The following ZNF518B variants were observed in gnomAD, a reference collection of about 807,000 sequenced individuals.
ZNF518B encodes zinc finger protein 518B.
Under a neutral mutation model 56.3 loss-of-function variants are expected in ZNF518B, and 23 were observed. The ratio of observed to expected loss-of-function variants is 0.41; its 90% CI spans 0.29 to 0.58. The LOEUF (loss-of-function observed/expected upper bound fraction) is 0.58. Among genes scored for constraint, ZNF518B ranks in the 20% least tolerant of loss-of-function variants. The pLI, the probability that ZNF518B is intolerant of heterozygous loss-of-function variation, is 0.32. For synonymous variants in ZNF518B, 529 were observed against 465.9 expected, an observed-to-expected ratio of 1.14 and a Z score of -1.74; for missense variants, 1,460 against 1,272.1, an observed-to-expected ratio of 1.15 and a Z score of -2.25.
chr4:10,450,832 G>A (rs1382184001), intron 2 of ZNF518B: 7 of 152,190 alleles, frequency 4.6e-5, no homozygotes, highest in Non-Finnish European at 1.0e-4. Context: ...TGGCGTCTTA[G>A]GACTTTCAGA....
In ZNF518B at chr4:10,444,550, A is replaced by C. The variant is rs757050114; in HGVS notation, c.1779T>G (p.His593Gln). 1 of 1,614,086 alleles carries C rather than the reference A, an allele frequency of 6.2e-7. No individual in the cohort carries two copies. The highest frequency in any genetic ancestry group is 1.3e-5 in the African/African-American group (1 of 75,048). ...VSTVGQISSQ[H>Q]KSEYLHINIT... ...TGTTTATATGTAAATACTCACTCTTATGTTGAGAGGAAATCTGGCCTACAG... is the reference window on the plus strand; with the variant it reads ...TGTTTATATGTAAATACTCACTCTTCTGTTGAGAGGAAATCTGGCCTACAG... Residue 593 changes from histidine (H) to glutamine (Q), a missense_variant, in exon 3 of 3, where the codon CAT (histidine) becomes CAG (glutamine). Physicochemically the swap from His to Gln is conservative, Grantham distance 24. Coordinates refer to ENST00000326756, the MANE Select transcript of ZNF518B (RefSeq NM_053042.3).
In ZNF518B at chr4:10,441,760, T is replaced by G. The variant is rs4422413; in HGVS notation, c.*1344A>C. 0.28 allele frequency: 42,799 copies of G among 152,126 alleles called. 7,192 individuals carry two copies. Among genetic ancestry groups the G allele is most frequent in the Non-Finnish European group, 0.39 (26,356 of 67,986 alleles). 9.4% of individuals were successfully genotyped at this position (152,126 alleles called of 1,614,324 possible). On this transcript the variant is annotated 3_prime_UTR_variant, in exon 3 of 3. Transcript: ENST00000326756. ...GGCCTTTTTCTAAAGAACACAAATGTGTAGATAAATGACAGTCCTGACATC... is the reference window on the plus strand; with the variant it reads ...GGCCTTTTTCTAAAGAACACAAATGGGTAGATAAATGACAGTCCTGACATC...
At position 10,442,922 on chromosome 4, in the gene ZNF518B, A is replaced by G. The variant is rs1184200830; in HGVS notation, c.*182T>C. 1.7e-6 allele frequency: 1 copy of G among 574,154 alleles called. No individual in the cohort carries two copies. The highest frequency in any genetic ancestry group is 3.0e-6 in the Non-Finnish European group (1 of 333,980). 35.6% of individuals were successfully genotyped at this position (574,154 alleles called of 1,614,324 possible). ...ATGTACAATTTCAGAGCCTTCAAATACATTCTGGGGTCCAATCACATACTT... is the reference window on the plus strand; with the variant it reads ...ATGTACAATTTCAGAGCCTTCAAATGCATTCTGGGGTCCAATCACATACTT... On this transcript the variant is annotated 3_prime_UTR_variant, in exon 3 of 3. Coordinates refer to ENST00000326756, the MANE Select transcript of ZNF518B (RefSeq NM_053042.3).
At position 10,444,120 on chromosome 4, in the gene ZNF518B, T is replaced by C; in HGVS notation, c.2209A>G (p.Arg737Gly). The C allele has an allele frequency of 6.2e-7, 1 of 1,614,242 alleles. No homozygotes were observed. The highest frequency in any genetic ancestry group is 1.3e-5 in the African/African-American group (1 of 75,056). Reference protein sequence around the residue: ...PPNDGGITGNRQLTHQQIYPH... With the variant: ...PPNDGGITGNGQLTHQQIYPH... ...TATATTTGTTGATGAGTAAGCTGTC[T>C]ATTACCAGTAATACCACCATCATTC... is the stretch of plus-strand genomic sequence containing the variant. The change falls in exon 3 of 3, where the codon AGA (arginine) becomes GGA (glycine). Residue 737 changes from arginine (R) to glycine (G), a missense_variant. Physicochemically the swap from Arg to Gly is moderately radical, Grantham distance 125 (BLOSUM62 -2). Coordinates refer to ENST00000326756, the MANE Select transcript of ZNF518B (RefSeq NM_053042.3).
At position 10,445,966 on chromosome 4, in the gene ZNF518B, G is replaced by T; in HGVS notation, c.363C>A (p.Val121=). 6.2e-7 allele frequency: 1 copy of T among 1,614,150 alleles called. No individual in the cohort carries two copies. Among genetic ancestry groups the T allele is most frequent in the South Asian group, 1.1e-5 (1 of 91,074 alleles). The change falls in exon 3 of 3, where the codon GTC becomes GTA. Residue 121 remains valine, a synonymous_variant. Transcript: ENST00000326756. The part of the protein sequence containing the change: ...GNKTENFSSS[V]NSKFKVRNFK... ...AGTTCCTTACCTTAAATTTGCTATTGACAGAACTTGAGAAGTTTTCAGTTT... is the reference window on the plus strand; with the variant it reads ...AGTTCCTTACCTTAAATTTGCTATTTACAGAACTTGAGAAGTTTTCAGTTT...
Position 10,444,264 on chromosome 4 carries a change from G to T in ZNF518B, c.2065C>A (p.Arg689Ser). Residue 689 changes from arginine (R) to serine (S), a missense_variant, in exon 3 of 3, where the codon CGT (arginine) becomes AGT (serine). Transcript: ENST00000326756. ...PSSLASNSAH[R>S]RSVGQASKGT... ...TTTGATGCCTGCCCTACAGAGCGAC[G>T]ATGTGCACTATTTGAAGCCAAAGAT... The T allele has an allele frequency of 1.2e-6, 2 of 1,614,134 alleles. No homozygotes were observed. The highest frequency in any genetic ancestry group is 1.7e-6 in the Non-Finnish European group (2 of 1,180,018).
At chr4:10,447,497 T>C (rs757070189) in intron 2 of ZNF518B, among the ~76,000 whole-genome samples, 7 of 152,024 alleles carry the variant, frequency 4.6e-5, no homozygotes, top group Non-Finnish European at 1.0e-4. Flanking sequence ...GAACGGGACA[T>C]GTTCTAGGAA....
intron 1 of ZNF518B, 83 bp from the exon 2 acceptor site, chr4:10,455,071 G>A (rs1369186991): frequency 2.0e-5 from 3 of 152,258 alleles, no homozygotes; most frequent in Non-Finnish European, 4.4e-5. Flanking sequence ...TAAGGGGAAT[G>A]AGCCCCAGAA....
rs750808133 is a variant in ZNF518B at position 10,444,933 on chromosome 4, T to G, written c.1396A>C (p.Lys466Gln). ...NSETIEDFQKKNNLYPHRTAF... is the reference protein window; with the variant it reads ...NSETIEDFQKQNNLYPHRTAF... ...GTTCTATGTGGATACAAATTATTTT[T>G]TTTCTGAAAATCCTCAATTGTTTCC... The change falls in exon 3 of 3, where the codon AAA becomes CAA. Residue 466 changes from lysine (K) to glutamine (Q), a missense_variant. Transcript: ENST00000326756. 2.5e-6 allele frequency: 4 copies of G among 1,611,128 alleles called. No individual in the cohort carries two copies. The South Asian group carries it at 4.4e-5, about 18-fold the overall frequency.
rs1446578943 is a variant in ZNF518B at position 10,443,063 on chromosome 4, ATAAAC to A, written c.*36_*40del. 1.0e-5 allele frequency: 16 copies of A among 1,556,698 alleles called. No homozygotes were observed. The highest frequency in any genetic ancestry group is 1.4e-5 in the Non-Finnish European group (16 of 1,150,464). On this transcript the variant is annotated 3_prime_UTR_variant, in exon 3 of 3. Coordinates refer to ENST00000326756, the MANE Select transcript of ZNF518B (RefSeq NM_053042.3). Reference sequence around the variant, plus strand: ...CTTGGTGGAGGGACTCCAAACCAGAATAAACTAAAAGATAACTTGCTTTAAAGAGT... The same window carrying A: ...CTTGGTGGAGGGACTCCAAACCAGAATAAAAGATAACTTGCTTTAAAGAGT...
chr4:10,442,419 CAA>C lies in ZNF518B; in HGVS notation c.*683_*684del, dbSNP rs1202175966. ...ATAAACCAATGTATTTTAAAGAAAG[CAA>C]AAGCTAAGTATTTGAAAATGTTATC... On this transcript the variant is annotated 3_prime_UTR_variant, in exon 3 of 3. Transcript: ENST00000326756. 6.6e-6 allele frequency: 1 copy of C among 152,146 alleles called. No homozygotes were observed. Among genetic ancestry groups the C allele is most frequent in the East Asian group, 1.9e-4 (1 of 5,190 alleles). 9.4% of individuals were successfully genotyped at this position (152,146 alleles called of 1,614,324 possible). A position where few individuals can be genotyped will look rare whatever the true frequency, so the allele number is the denominator to read the frequency against.
upstream of ZNF518B, among the ~76,000 whole-genome samples, chr4:10,459,410 T>G (rs983403112): frequency 6.6e-6 from 1 of 152,228 alleles, no homozygotes; most frequent in African/African-American, 2.4e-5. Context: ...CCTTCATGTC[T>G]TCTTCTCCAC....
In ZNF518B at chr4:10,444,319, A is replaced by G; in HGVS notation, c.2010T>C (p.Ala670=). 1 of 1,614,154 alleles carries G rather than the reference A, an allele frequency of 6.2e-7. No homozygotes were observed. The highest frequency in any genetic ancestry group is 8.5e-7 in the Non-Finnish European group (1 of 1,180,030). The change falls in exon 3 of 3, where the codon GCT becomes GCC. Residue 670 remains alanine (A), a synonymous_variant. Coordinates refer to ENST00000326756, the MANE Select transcript of ZNF518B (RefSeq NM_053042.3). ...KSIELLRRKI[A]QLIESCGKPS... ...GCTTCCCACAGGACTCAATTAACTG[A>G]GCTATCTTTCTGCGCAACAGTTCAA... is the stretch of plus-strand genomic sequence containing the variant.
intron 2 of ZNF518B, among the ~76,000 whole-genome samples, chr4:10,450,569 CCT>C (rs79281738): frequency 0.11 from 15,998 of 152,128 alleles, 1,074 homozygotes; most frequent in East Asian, 0.2. Context: ...TGTGTAAAAG[CCT>C]CTCAGCCCGT....
At chr4:10,452,176 T>C (rs1473328079) in intron 2 of ZNF518B, 1 of 152,238 alleles carries the variant, frequency 6.6e-6, no homozygotes, top group Non-Finnish European at 1.5e-5. Context: ...GAAGATCACA[T>C]GAAATGGAGT....
In ZNF518B at chr4:10,444,170, G is replaced by C. The variant is rs144356708; in HGVS notation, c.2159C>G (p.Ser720Cys). The change falls in exon 3 of 3, where the codon TCC (serine) becomes TGC (cysteine). Residue 720 changes from serine to cysteine, a missense_variant. Transcript: ENST00000326756. ...CGGAGGTTTCTGAAGAGTACCTGTG[G>C]AATGGCCAAGACCAGTGAGTGACAC... ...INVSLTGLGH[S>C]TGTLQKPPND... The C allele has an allele frequency of 1.9e-6, 3 of 1,614,080 alleles. No homozygotes were observed. The highest frequency in any genetic ancestry group is 2.5e-6 in the Non-Finnish European group (3 of 1,180,038).
At position 10,444,927 on chromosome 4, in the gene ZNF518B, TA is replaced by T. The variant is rs1714917717; in HGVS notation, c.1401del (p.Asn467LysfsTer15). ...AAAGCAGTTCTATGTGGATACAAAT[TA>T]TTTTTTTTCTGAAAATCCTCAATTG... The part of the protein sequence containing the change: ...SETIEDFQKK[N>X]NLYPHRTAFP... On this transcript the variant is annotated frameshift_variant, in exon 3 of 3. Transcript: ENST00000326756. LOFTEE classifies it high-confidence loss of function. 2 of 1,611,132 alleles carry T rather than the reference TA, an allele frequency of 1.2e-6. No individual in the cohort carries two copies. Among genetic ancestry groups the T allele is most frequent in the Non-Finnish European group, 1.7e-6 (2 of 1,179,078 alleles).
At chr4:10,456,418 G>C (rs1348158259) in intron 1 of ZNF518B, among the ~76,000 whole-genome samples, 2 of 152,120 alleles carry the variant, frequency 1.3e-5, no homozygotes, top group Non-Finnish European at 1.5e-5. Context: ...AGATAAGACG[G>C]GCAGGCCGGT....
upstream of ZNF518B, chr4:10,457,505 G>A (rs910448316): frequency 6.6e-6 from 1 of 152,148 alleles, no homozygotes; most frequent in East Asian, 1.9e-4. Context: ...CTAAGGCTGC[G>A]CCCGCCCCCG....
Sources: gnomAD v4.1 joint callset for allele counts (sites outside exome capture counted in the v4.1 genomes callset) on GRCh38, gnomAD v4.1.1 for gene constraint, MANE v1.5 for transcripts, NCBI Gene and HGNC (gene_info 2026-07-23, HGNC 2026-07-21) for gene names.